Variants in DNAH6 observed in about 807,000 individuals in gnomAD.
DNAH6 encodes axonemal beta dynein heavy chain 6.
Under a neutral mutation model 491.4 loss-of-function variants are expected in DNAH6, and 340 were observed. That is an observed-to-expected ratio of 0.69 (90% confidence interval 0.63 to 0.76). DNAH6 has a LOEUF of 0.76. Ranked by LOEUF, DNAH6 falls within the 30% of genes least tolerant of loss-of-function variation. The probability of loss-of-function intolerance (pLI) is 0.00; values close to 1 mark genes in which losing one functional copy is unlikely to be tolerated. For missense variants in DNAH6, 4,443 were observed against 4,972.2 expected, an observed-to-expected ratio of 0.89 and a Z score of 3.20; for synonymous variants, 1,603 against 1,686.1, an observed-to-expected ratio of 0.95 and a Z score of 1.21.
rs1377749696 is a variant in DNAH6, at chr2:84,745,180, A to C, written c.10443A>C (p.Gln3481His). 6.5e-7 allele frequency: 1 copy of C among 1,549,688 alleles called. No individual in the cohort carries two copies. The highest frequency in any genetic ancestry group is 2.0e-5 in the Admixed American group (1 of 50,624). Residue 3481 changes from glutamine (Q) to histidine (H), a missense_variant, in exon 63 of 77, where the codon CAA (glutamine) becomes CAC (histidine). Transcript: ENST00000389394. ...GACAGGAAAAGGAGGCAGCACACCAAGATCCATGGAGTGCAGGATTGAGTT... is the reference window on the plus strand; with the variant it reads ...GACAGGAAAAGGAGGCAGCACACCACGATCCATGGAGTGCAGGATTGAGTT... Reference protein sequence around the residue: ...HMRQEKEAAHQDPWSAGLSSF... With the variant: ...HMRQEKEAAHHDPWSAGLSSF...
intron 33 of DNAH6, among the ~76,000 whole-genome samples, chr2:84,646,525 A>T (rs1019921354): frequency 1.3e-5 from 2 of 152,260 alleles, no homozygotes; most frequent in East Asian, 3.8e-4. Context: ...GTGAATGCAA[A>T]GGAAAAGATA....
rs539877140 is a variant in DNAH6, at chr2:84,524,295, T to A, written c.226-1270T>A. On this transcript the variant is annotated intron_variant, in intron 2 of 76. Coordinates refer to ENST00000389394, the MANE Select transcript of DNAH6 (RefSeq NM_001370.2). ...CCCCTGCTTTTTTCTGTTTCCCATT[T>A]GCTTGGTAGATTTTCCTCCATCCCT... Among the ~76,000 whole-genome samples the A allele has an allele frequency of 5.1e-4, 77 of 152,180 alleles. 1 individual carries two copies. Among genetic ancestry groups the A allele is most frequent in the African/African-American group, 1.8e-3 (75 of 41,536 alleles).
intron 4 of DNAH6, among the ~76,000 whole-genome samples, chr2:84,540,750 A>G (rs1409733581): frequency 6.6e-6 from 1 of 152,222 alleles, no homozygotes; most frequent in Non-Finnish European, 1.5e-5. Flanking sequence ...TCTAAGTTTC[A>G]TTTAAGATGG....
At chr2:84,596,905 G>A (rs1186282517) in intron 18 of DNAH6, among the ~76,000 whole-genome samples, 2 of 152,020 alleles carry the variant, frequency 1.3e-5, no homozygotes, top group Non-Finnish European at 1.5e-5. Context: ...TCCATCTTGG[G>A]TTCCCTCGAA....
At chr2:84,462,399 T>A in the DNAH6 span, among the ~76,000 whole-genome samples, 1 of 152,182 alleles carries the variant, frequency 6.6e-6, no homozygotes. Context: ...TGTCATGCCT[T>A]CCTAAAATGT....
chr2:84,781,575 G>T lies in DNAH6; in HGVS notation c.10786G>T (p.Val3596Leu), dbSNP rs1050670807. ...VKDAMKSGNW[V>L]FLQNCHLAVS... is the part of the protein sequence containing the mutation. The stretch of plus-strand genomic sequence containing the variant: ...GGATGCAATGAAATCAGGAAACTGG[G>T]TATTTTTGCAAAATTGCCATCTTGC... The change falls in exon 65 of 77, where the codon GTA becomes TTA. Residue 3596 changes from valine to leucine, a missense_variant. Around this residue, in one of 3 missense-constraint regions of DNAH6, gnomAD observed 1,463 missense variants for 1,656.6 expected, o/e 0.88. Transcript: ENST00000389394. 7.1e-6 allele frequency: 11 copies of T among 1,551,568 alleles called. No homozygotes were observed. The African/African-American group carries it at 1.4e-4, about 19-fold the overall frequency.
At chr2:84,595,880 TAA>T (rs761232846) in intron 18 of DNAH6, 91 bp downstream of exon 18, 93 of 1,298,522 alleles carry the variant, frequency 7.2e-5, no homozygotes, top group Non-Finnish European at 8.9e-5. Flanking sequence ...TTTCCCTGAT[TAA>T]GTTAGTCAGC....
At chr2:84,699,922 C>T (rs1211537034) in intron 48 of DNAH6, among the ~76,000 whole-genome samples, 188 bp downstream of exon 48, 1 of 150,016 alleles carries the variant, frequency 6.7e-6, no homozygotes, top group Non-Finnish European at 1.5e-5. Context: ...AAGTAAGAGA[C>T]CATTGAATTT....
At chr2:84,526,646 G>A (rs185106856) in intron 3 of DNAH6, among the ~76,000 whole-genome samples, 272 of 152,252 alleles carry the variant, frequency 1.8e-3, no homozygotes, top group Admixed American at 4.2e-3. Flanking sequence ...GATGAGAGAG[G>A]TGGGAGCTCT....
chr2:84,680,244 A>G (rs6749125), intron 41 of DNAH6, among the ~76,000 whole-genome samples: 113,743 of 152,076 alleles, frequency 0.75, 42,962 homozygotes, highest in East Asian at 0.92. Context: ...ACTTCAGATT[A>G]GACTAACTTG....
In DNAH6 at chr2:84,520,144, T is replaced by G. The variant is rs540582366; in HGVS notation, c.225+2093T>G. Among the ~76,000 whole-genome samples the G allele has an allele frequency of 1.2e-4, 18 of 152,168 alleles. 1 individual carries two copies. Among genetic ancestry groups the G allele is most frequent in the Admixed American group, 1.0e-3 (16 of 15,280 alleles). ...ATGAGACAGGGCCCTGTGAGTGGTG[T>G]TGTGGAGTTGATGAAAAAGTTACAT... is the stretch of plus-strand genomic sequence containing the variant. On this transcript the variant is annotated intron_variant, in intron 2 of 76. Transcript: ENST00000389394.
Position 84,697,705 on chromosome 2 carries a change from T to C in DNAH6, c.7655T>C (p.Ile2552Thr). The stretch of plus-strand genomic sequence containing the variant: ...AGACCAAGAGCAAAAGAAGTAGGAA[T>C]TTCTGAGGGGAACAGAGACGAGGTA... ...ATRPRAKEVG[I>T]SEGNRDEVFQ... The change falls in exon 47 of 77, where the codon ATT becomes ACT. Residue 2552 changes from isoleucine to threonine, a missense_variant. Ile to Thr is a moderately conservative substitution (Grantham distance 89). This residue lies in a region of DNAH6 where 2,977 missense variants were observed against 3,296.6 expected (regional missense o/e 0.90). Transcript: ENST00000389394. The C allele has an allele frequency of 6.4e-7, 1 of 1,551,832 alleles. No individual in the cohort carries two copies. Among genetic ancestry groups the C allele is most frequent in the Non-Finnish European group, 8.7e-7 (1 of 1,147,004 alleles).
intron 35 of DNAH6, among the ~76,000 whole-genome samples, chr2:84,656,234 G>T (rs1381321197): frequency 3.3e-5 from 5 of 152,118 alleles, no homozygotes; most frequent in Non-Finnish European, 7.4e-5. Flanking sequence ...TGGCAATTAT[G>T]AATTAAACTC....
intron 51 of DNAH6, among the ~76,000 whole-genome samples, chr2:84,705,217 T>G (rs777156502): frequency 6.6e-6 from 1 of 152,212 alleles, no homozygotes; most frequent in Non-Finnish European, 1.5e-5. Flanking sequence ...ATAAAACTAT[T>G]GTTTCTATAA....
chr2:84,745,146 A>G lies in DNAH6; in HGVS notation c.10409A>G (p.Lys3470Arg). ...EGYSKMKHED[K>R]HMRQEKEAAH... ...TATTCTAAAATGAAACACGAAGATA[A>G]ACACATGAGACAGGAAAAGGAGGCA... The change falls in exon 63 of 77, where the codon AAA becomes AGA. Residue 3470 changes from lysine to arginine, a missense_variant. Lys to Arg is a conservative substitution (Grantham distance 26). Coordinates refer to ENST00000389394, the MANE Select transcript of DNAH6 (RefSeq NM_001370.2). The G allele has an allele frequency of 6.5e-7, 1 of 1,548,964 alleles. No individual in the cohort carries two copies. Among genetic ancestry groups the G allele is most frequent in the Non-Finnish European group, 8.7e-7 (1 of 1,145,616 alleles).
intron 15 of DNAH6, among the ~76,000 whole-genome samples, chr2:84,588,086 G>A (rs1049803166): frequency 2.0e-5 from 3 of 152,182 alleles, no homozygotes; most frequent in Non-Finnish European, 4.4e-5. Context: ...AGACACATGA[G>A]AACTTCAGGA....
intron 26 of DNAH6, 52 bp downstream of exon 26, chr2:84,621,603 GTT>G: frequency 1.7e-6 from 2 of 1,145,674 alleles, no homozygotes; most frequent in Non-Finnish European, 2.4e-6. Context: ...GTCTTGGTGG[GTT>G]TTTTTTTAAA....
At chr2:84,460,742 A>G in the DNAH6 span, among the ~76,000 whole-genome samples, 5 of 152,130 alleles carry the variant, frequency 3.3e-5, no homozygotes, top group Admixed American at 6.6e-5. Context: ...GGATATTTCA[A>G]CCTCTTGTAA....
intron 37 of DNAH6, among the ~76,000 whole-genome samples, chr2:84,665,054 A>T (rs1415636349): frequency 6.6e-6 from 1 of 152,224 alleles, no homozygotes; most frequent in Non-Finnish European, 1.5e-5. Context: ...AACCAATGAG[A>T]ACAAAGACAC....
Sources: allele counts gnomAD v4.1 joint callset (sites outside exome capture counted in the v4.1 genomes callset), GRCh38; gene constraint gnomAD v4.1.1; regional missense constraint gnomAD v4.1.1; transcripts MANE v1.5; gene names NCBI Gene and HGNC (gene_info 2026-07-23, HGNC 2026-07-21).